The following GALNT13 variants were observed in gnomAD, a reference collection of about 807,000 sequenced individuals.
GALNT13 encodes polypeptide N-acetylgalactosaminyltransferase 13, also known as UDP-GalNAc:polypeptide N-acetylgalactosaminyltransferase 13.
GALNT13 carries 28 observed loss-of-function variants against 64.2 expected under a neutral mutation model. That is an observed-to-expected ratio of 0.44 (90% CI 0.32 to 0.60). The LOEUF is 0.60. GALNT13 is among the 20% of genes least tolerant of loss of function. The pLI is 0.05. For synonymous variants in GALNT13, 214 were observed against 224.6 expected (o/e 0.95, Z 0.42); for missense variants, 577 against 669.8 (o/e 0.86, Z 1.53).
rs1345167477 is a variant in GALNT13 at position 154,362,679 on chromosome 2, T to A, written c.1157-33312T>A. Among the ~76,000 whole-genome samples the A allele has an allele frequency of 2.6e-5, 4 of 152,300 alleles. No homozygotes were observed. The East Asian group carries it at 7.7e-4, about 29-fold the overall frequency. ...GACAAATTGTTGACTTACAGAATTATGAGCTAAAAAAACTGGTCATTGTTT... is the reference window on the plus strand; with the variant it reads ...GACAAATTGTTGACTTACAGAATTAAGAGCTAAAAAAACTGGTCATTGTTT... On this transcript the variant is annotated intron_variant, in intron 9 of 12. Transcript: ENST00000392825.
At chr2:153,648,185 G>T in the GALNT13 span, among the ~76,000 whole-genome samples, 1 of 151,942 alleles carries the variant, frequency 6.6e-6, no homozygotes, top group East Asian at 1.9e-4. Flanking sequence ...CCTTCACATC[G>T]CTTGTAAGTT....
the GALNT13 span, among the ~76,000 whole-genome samples, chr2:153,616,826 A>C: frequency 6.6e-6 from 1 of 152,036 alleles, no homozygotes; most frequent in East Asian, 1.9e-4. Flanking sequence ...TTTCTTGTGG[A>C]GTCTTTAGAT....
At chr2:153,370,280 C>G in the GALNT13 span, among the ~76,000 whole-genome samples, 23 of 152,134 alleles carry the variant, frequency 1.5e-4, no homozygotes, top group South Asian at 4.6e-3. Flanking sequence ...AATATTTCTT[C>G]TAAGAAATAA....
the GALNT13 span, among the ~76,000 whole-genome samples, chr2:153,831,565 G>GACTTC: frequency 1.3e-5 from 2 of 151,756 alleles, no homozygotes; most frequent in African/African-American, 4.9e-5. Context: ...TCACGCCTCA[G>GACTTC]CACCCAGAAA....
the GALNT13 span, among the ~76,000 whole-genome samples, chr2:153,542,603 A>G: frequency 2.6e-5 from 4 of 152,304 alleles, no homozygotes; most frequent in Non-Finnish European, 5.9e-5. Context: ...GTGATCAGAC[A>G]TCACTTGAGG....
chr2:154,010,328 T>G, intron 3 of GALNT13, among the ~76,000 whole-genome samples: 1 of 152,206 alleles, frequency 6.6e-6, no homozygotes, highest in East Asian at 1.9e-4. Flanking sequence ...TGAAAACCGT[T>G]TCCGTGTCTA....
intron 3 of GALNT13, among the ~76,000 whole-genome samples, chr2:154,114,138 A>G (rs2105498368): frequency 6.6e-6 from 1 of 152,258 alleles, no homozygotes; most frequent in East Asian, 1.9e-4. Flanking sequence ...AATCTCCACC[A>G]TCCCTCCAGA....
chr2:153,431,362 G>A, the GALNT13 span, among the ~76,000 whole-genome samples: 203 of 152,156 alleles, frequency 1.3e-3, no homozygotes, highest in African/African-American at 4.6e-3. Context: ...TGATCGTGAG[G>A]CATGCCATGT....
chr2:153,645,360 T>C, the GALNT13 span, among the ~76,000 whole-genome samples: 4 of 152,184 alleles, frequency 2.6e-5, no homozygotes, highest in African/African-American at 9.6e-5. Flanking sequence ...AATAATAGTT[T>C]AGAACATAGT....
intron 11 of GALNT13, among the ~76,000 whole-genome samples, chr2:154,416,455 C>G (rs1166545940): frequency 6.6e-6 from 1 of 152,102 alleles, no homozygotes; most frequent in Admixed American, 6.6e-5. Flanking sequence ...CTAATGCTAT[C>G]ACCCTGGGGA....
the GALNT13 span, among the ~76,000 whole-genome samples, chr2:153,236,672 T>C: frequency 2.6e-5 from 4 of 152,082 alleles, no homozygotes; most frequent in Non-Finnish European, 5.9e-5. Context: ...AAAAAAAATA[T>C]TCCTTTAAGA....
At chr2:153,129,417 T>C in the GALNT13 span, among the ~76,000 whole-genome samples, 7 of 152,098 alleles carry the variant, frequency 4.6e-5, no homozygotes, top group Admixed American at 4.6e-4. Flanking sequence ...AGGCCTGAAA[T>C]GCTTACCAGT....
chr2:153,201,372 A>C, the GALNT13 span, among the ~76,000 whole-genome samples: 3 of 152,226 alleles, frequency 2.0e-5, no homozygotes, highest in Non-Finnish European at 4.4e-5. Flanking sequence ...GGCCTACAGA[A>C]AACGGAAAGC....
chr2:153,580,792 A>G, the GALNT13 span, among the ~76,000 whole-genome samples: 1 of 152,212 alleles, frequency 6.6e-6, no homozygotes, highest in Non-Finnish European at 1.5e-5. Flanking sequence ...CTAAAGTGAA[A>G]TGTCCATTGC....
At chr2:154,374,610 A>C (rs1228737850) in intron 9 of GALNT13, among the ~76,000 whole-genome samples, 2 of 152,232 alleles carry the variant, frequency 1.3e-5, no homozygotes, top group African/African-American at 4.8e-5. Flanking sequence ...TACTCTAACT[A>C]TACCAGCAGA....
chr2:153,429,010 A>T, the GALNT13 span, among the ~76,000 whole-genome samples: 1 of 152,118 alleles, frequency 6.6e-6, no homozygotes. Flanking sequence ...TTCTTTTTAA[A>T]TTCTAGTAAC....
At chr2:153,295,948 C>T in the GALNT13 span, among the ~76,000 whole-genome samples, 1 of 152,154 alleles carries the variant, frequency 6.6e-6, no homozygotes, top group Non-Finnish European at 1.5e-5. Flanking sequence ...ATCAAGTCTG[C>T]TGAATTCTCA....
At chr2:154,107,520 G>A (rs544302172) in intron 3 of GALNT13, among the ~76,000 whole-genome samples, 6 of 150,834 alleles carry the variant, frequency 4.0e-5, no homozygotes, top group African/African-American at 1.2e-4. Context: ...AACCTAGGAG[G>A]TGGAGGTTGC....
At chr2:153,209,101 C>T in the GALNT13 span, among the ~76,000 whole-genome samples, 3 of 151,470 alleles carry the variant, frequency 2.0e-5, no homozygotes, top group African/African-American at 7.3e-5. Context: ...CCTCAGCCTC[C>T]AGAGTAGCCG....
Sources: gnomAD v4.1 joint callset for allele counts (sites outside exome capture counted in the v4.1 genomes callset) on GRCh38, gnomAD v4.1.1 for gene constraint, MANE v1.5 for transcripts, NCBI Gene and HGNC (gene_info 2026-07-23, HGNC 2026-07-21) for gene names.